Variants in FHIT observed in about 807,000 individuals in gnomAD.
The protein encoded by FHIT is fragile histidine triad diadenosine triphosphatase.
A neutral mutation model predicts 17.9 loss-of-function variants in FHIT; 19 were observed. The ratio of observed to expected loss-of-function variants is 1.06; its 90% CI spans 0.74 to 1.56. The LOEUF is 1.56. FHIT is among the 40% of genes most tolerant of loss of function. The pLI is 0.00. For missense variants in FHIT, 248 were observed against 189.2 expected, an observed-to-expected ratio of 1.31 and a Z score of -1.82; for synonymous variants, 81 against 69.7, an observed-to-expected ratio of 1.16 and a Z score of -0.81.
intron 8 of FHIT, among the ~76,000 whole-genome samples, chr3:59,868,458 C>T (rs1443342412): frequency 6.6e-6 from 1 of 152,188 alleles, no homozygotes; most frequent in East Asian, 1.9e-4. Context: ...GCTCAAGCAT[C>T]CCTTGATATA....
rs60827524 is a variant in FHIT at position 60,595,532 on chromosome 3, CAT to C, written c.-17-58555_-17-58554del. On this transcript the variant is annotated intron_variant, in intron 4 of 9. Transcript: ENST00000492590. ...GTGTATATATATATGGACACACACA[CAT>C]ATATATGTGTGTGTATATATGGACA... 4.7e-5 allele frequency among the ~76,000 whole-genome samples: 7 copies of C among 148,848 alleles called. No individual in the cohort carries two copies. In the South Asian group the frequency reaches 6.4e-4, roughly 14 times the overall value.
At chr3:60,534,457 AAAAAAAG>A (rs201649221) in intron 5 of FHIT, among the ~76,000 whole-genome samples, 5,743 of 134,992 alleles carry the variant, frequency 0.043, 333 homozygotes, top group East Asian at 0.15. Context: ...AAAAAAAAAA[AAAAAAAG>A]ATGCGTCTCC....
intron 2 of FHIT, among the ~76,000 whole-genome samples, chr3:61,168,242 G>C (rs2037898465): frequency 6.6e-6 from 1 of 152,172 alleles, no homozygotes; most frequent in Non-Finnish European, 1.5e-5. Flanking sequence ...ATGGTGTTGA[G>C]CAGTTGTGAA....
intron 5 of FHIT, among the ~76,000 whole-genome samples, chr3:60,260,369 A>G (rs897410996): frequency 2.0e-5 from 3 of 151,922 alleles, no homozygotes; most frequent in African/African-American, 7.2e-5. Context: ...AAAAAAAAGA[A>G]AAAAATAGTG....
intron 5 of FHIT, among the ~76,000 whole-genome samples, chr3:60,202,743 A>C (rs1420692230): frequency 6.6e-6 from 1 of 152,172 alleles, no homozygotes; most frequent in Non-Finnish European, 1.5e-5. Context: ...CATAAGGCCA[A>C]GAATCATCAA....
chr3:60,607,100 T>A (rs540753108), intron 4 of FHIT, among the ~76,000 whole-genome samples: 1 of 152,280 alleles, frequency 6.6e-6, no homozygotes, highest in South Asian at 2.1e-4. Context: ...CATCAGGAAT[T>A]AGAAAGAATA....
intron 5 of FHIT, among the ~76,000 whole-genome samples, chr3:60,362,381 T>C (rs1303177506): frequency 1.3e-5 from 2 of 152,194 alleles, no homozygotes; most frequent in Non-Finnish European, 2.9e-5. Context: ...TGAAGGCTTT[T>C]CTGTTCGGAT....
chr3:60,492,610 G>A (rs561081651), intron 5 of FHIT, among the ~76,000 whole-genome samples: 39 of 151,328 alleles, frequency 2.6e-4, no homozygotes, highest in Non-Finnish European at 5.0e-4. Context: ...AGGTTCAAGC[G>A]ATTCGCCTGC....
At chr3:61,074,451 G>C (rs949537300) in intron 2 of FHIT, among the ~76,000 whole-genome samples, 1 of 152,122 alleles carries the variant, frequency 6.6e-6, no homozygotes, top group African/African-American at 2.4e-5. Context: ...GTTTCATTTG[G>C]ACCATACAGT....
At chr3:60,456,102 A>G (rs551441929) in intron 5 of FHIT, among the ~76,000 whole-genome samples, 17 of 152,218 alleles carry the variant, frequency 1.1e-4, no homozygotes, top group Non-Finnish European at 1.9e-4. Flanking sequence ...GCTCCACCAC[A>G]TGCAATTAAT....
At chr3:60,786,784 G>C (rs899707019) in intron 4 of FHIT, among the ~76,000 whole-genome samples, 3 of 152,126 alleles carry the variant, frequency 2.0e-5, no homozygotes, top group Admixed American at 6.5e-5. Context: ...GTAGGGATCT[G>C]AGAAATACTT....
intron 3 of FHIT, among the ~76,000 whole-genome samples, chr3:61,011,711 C>A (rs59318168): frequency 0.22 from 33,291 of 152,026 alleles, 3,859 homozygotes; most frequent in African/African-American, 0.28. Flanking sequence ...AAGATCTCGC[C>A]TTTTCATCTG....
chr3:60,087,349 T>C lies in FHIT; in HGVS notation c.104-73197A>G, dbSNP rs193245282. Among the ~76,000 whole-genome samples the C allele has an allele frequency of 3.7e-3, 565 of 152,290 alleles. 10 individuals carry two copies. The highest frequency in any genetic ancestry group is 3.7e-3 in the Non-Finnish European group (250 of 68,016). Reference sequence around the variant, plus strand: ...ATTGGCTTGACTACTAGCACCTGGCTCCATTTTAATCATGCTAATCTCTTT... The same window carrying C: ...ATTGGCTTGACTACTAGCACCTGGCCCCATTTTAATCATGCTAATCTCTTT... On this transcript the variant is annotated intron_variant, in intron 5 of 9. Coordinates refer to ENST00000492590, the MANE Select transcript of FHIT (RefSeq NM_002012.4).
intron 2 of FHIT, among the ~76,000 whole-genome samples, chr3:61,098,187 A>G (rs2035702815): frequency 6.6e-6 from 1 of 152,156 alleles, no homozygotes; most frequent in Non-Finnish European, 1.5e-5. Context: ...TTAACCCAGT[A>G]CCATTTATTG....
chr3:59,980,067 T>G (rs548946467), intron 7 of FHIT, among the ~76,000 whole-genome samples: 11 of 152,204 alleles, frequency 7.2e-5, no homozygotes, highest in African/African-American at 2.7e-4. Flanking sequence ...CTTTCCCCAG[T>G]GAAAAGATAT....
At chr3:61,063,151 G>A (rs1208912374) in intron 2 of FHIT, among the ~76,000 whole-genome samples, 1 of 150,372 alleles carries the variant, frequency 6.7e-6, no homozygotes, top group Non-Finnish European at 1.5e-5. Flanking sequence ...AGCTACTCGG[G>A]AGGCTGAGGC....
intron 4 of FHIT, among the ~76,000 whole-genome samples, chr3:60,562,291 G>C (rs1377020876): frequency 1.3e-5 from 2 of 152,114 alleles, no homozygotes; most frequent in African/African-American, 4.8e-5. Flanking sequence ...CTGATCCAGG[G>C]GGAAAAGACT....
chr3:61,074,291 A>T (rs566930100), intron 2 of FHIT, among the ~76,000 whole-genome samples: 1 of 152,320 alleles, frequency 6.6e-6, no homozygotes, highest in African/African-American at 2.4e-5. Flanking sequence ...AGTGATTTTT[A>T]GAAATGAGAC....
intron 5 of FHIT, among the ~76,000 whole-genome samples, chr3:60,258,318 T>G (rs1369393743): frequency 2.6e-5 from 4 of 152,102 alleles, no homozygotes; most frequent in Admixed American, 2.6e-4. Context: ...ATCCTTTCTG[T>G]AAGATCCCAT....
Sources: gnomAD v4.1 joint callset for allele counts (sites outside exome capture counted in the v4.1 genomes callset) on GRCh38, gnomAD v4.1.1 for gene constraint, MANE v1.5 for transcripts, NCBI Gene and HGNC (gene_info 2026-07-23, HGNC 2026-07-21) for gene names.